CELF2: variants seen among roughly 807,000 people sequenced by gnomAD.
The protein encoded by CELF2 is CUGBP Elav-like family member 2.
A neutral mutation model predicts 62.6 loss-of-function variants in CELF2; 8 were observed. That is an observed-to-expected ratio of 0.13 (90% confidence interval 0.07 to 0.23). The LOEUF is 0.23. Among genes scored for constraint, CELF2 ranks in the 10% least tolerant of loss-of-function variants. The pLI, the probability that CELF2 is intolerant of heterozygous loss-of-function variation, is 1.00. For missense variants in CELF2, 333 were observed against 671.0 expected (o/e 0.50, Z 5.56); for synonymous variants, 258 against 250.0 (o/e 1.03, Z -0.30).
chr10:11,122,674 G>T (rs541898525), intron 1 of CELF2, among the ~76,000 whole-genome samples: 159 of 152,180 alleles, frequency 1.0e-3, no homozygotes, highest in Non-Finnish European at 1.9e-3. Context: ...ATGAGAAACA[G>T]GCCTCTTACA....
intron 1 of CELF2, among the ~76,000 whole-genome samples, chr10:11,141,992 T>G (rs553458497): frequency 6.6e-6 from 1 of 152,342 alleles, no homozygotes; most frequent in South Asian, 2.1e-4. Flanking sequence ...AGATAACGAC[T>G]GCAAACAAGG....
intron 1 of CELF2, among the ~76,000 whole-genome samples, chr10:11,057,396 G>C (rs1044581142): frequency 2.6e-5 from 4 of 152,112 alleles, no homozygotes; most frequent in African/African-American, 9.7e-5. Context: ...AATACAGCCA[G>C]GTAAACACCT....
chr10:10,659,016 A>C, the CELF2 span, among the ~76,000 whole-genome samples: 30 of 152,298 alleles, frequency 2.0e-4, no homozygotes, highest in African/African-American at 6.5e-4. Context: ...TAAAATAATA[A>C]ATGTTCACCA....
At position 11,165,001 on chromosome 10, in the gene CELF2, C is replaced by T. The variant is rs1435354555; in HGVS notation, c.75-485C>T. On this transcript the variant is annotated intron_variant, in intron 1 of 12. Transcript: ENST00000633077. The surrounding 1 kb of genome is among the most constrained non-coding windows in gnomAD (Gnocchi z 7.4). ...TTTCCATGTGACTTTATTATTACCA[C>T]CTCTCTCCTCTCTTCCAAAAACCTC... 1.1e-6 allele frequency: 1 copy of T among 918,862 alleles called. No homozygotes were observed. 56.9% of individuals were successfully genotyped at this position (918,862 alleles called of 1,614,324 possible).
intron 1 of CELF2, among the ~76,000 whole-genome samples, chr10:10,911,122 G>A (rs940945183): frequency 2.0e-5 from 3 of 152,152 alleles, no homozygotes; most frequent in South Asian, 2.1e-4. Flanking sequence ...GTCTGAAGAG[G>A]ACATTTCTGA....
At chr10:10,553,748 C>G in the CELF2 span, among the ~76,000 whole-genome samples, 1 of 152,148 alleles carries the variant, frequency 6.6e-6, no homozygotes, top group Admixed American at 6.5e-5. Context: ...GCAGAGAACA[C>G]TGCGAGCAGA....
intron 1 of CELF2, among the ~76,000 whole-genome samples, chr10:11,154,092 TA>T (rs1345283507): frequency 6.6e-6 from 1 of 152,162 alleles, no homozygotes; most frequent in African/African-American, 2.4e-5. Context: ...GAAATGGCTT[TA>T]AAAAAATCAA....
chr10:11,027,935 T>G (rs531658702), intron 1 of CELF2, among the ~76,000 whole-genome samples: 1 of 152,336 alleles, frequency 6.6e-6, no homozygotes, highest in African/African-American at 2.4e-5. Context: ...TTCCTGGCAC[T>G]TAAAACTGGC....
At chr10:10,729,861 C>T in the CELF2 span, among the ~76,000 whole-genome samples, 1 of 152,030 alleles carries the variant, frequency 6.6e-6, no homozygotes, top group Non-Finnish European at 1.5e-5. Flanking sequence ...CGATGATATG[C>T]TTATTACTCT....
chr10:10,918,940 G>A (rs1205792916), intron 1 of CELF2, among the ~76,000 whole-genome samples: 1 of 152,012 alleles, frequency 6.6e-6, no homozygotes, highest in Non-Finnish European at 1.5e-5. Flanking sequence ...TCTACTCATT[G>A]TTCCCTTCTC....
At chr10:10,979,997 G>A (rs902374656) in intron 2 of CELF2, among the ~76,000 whole-genome samples, 1 of 152,198 alleles carries the variant, frequency 6.6e-6, no homozygotes, top group East Asian at 1.9e-4. Context: ...GCTTGTAGAA[G>A]CAAAATGAAA....
chr10:11,025,207 A>ATGTGTGTGTG (rs372783836), intron 1 of CELF2, among the ~76,000 whole-genome samples: 39 of 141,250 alleles, frequency 2.8e-4, no homozygotes, highest in African/African-American at 8.6e-4. Flanking sequence ...ATATACATAT[A>ATGTGTGTGTG]TGTGTGTGTG....
chr10:10,784,608 A>T, the CELF2 span: 1 of 151,532 alleles, frequency 6.6e-6, no homozygotes, highest in African/African-American at 2.4e-5. Context: ...ATGTTCAGTC[A>T]CTCCTTCTCT....
the CELF2 span, among the ~76,000 whole-genome samples, chr10:10,746,963 A>G: frequency 1.3e-5 from 2 of 152,200 alleles, no homozygotes; most frequent in Admixed American, 1.3e-4. Flanking sequence ...TGTTATCTTA[A>G]TTTCTAACTG....
intron 1 of CELF2, among the ~76,000 whole-genome samples, chr10:11,066,576 G>C (rs1216067690): frequency 6.6e-6 from 1 of 152,056 alleles, no homozygotes; most frequent in East Asian, 1.9e-4. Context: ...GATTTCCCCA[G>C]ACCCCCATGA....
At chr10:10,719,785 C>A in the CELF2 span, among the ~76,000 whole-genome samples, 2 of 152,238 alleles carry the variant, frequency 1.3e-5, no homozygotes, top group Admixed American at 1.3e-4. Context: ...TATTATAAGG[C>A]TCAATAGAGG....
chr10:10,483,214 C>CAAAAAAAAA, the CELF2 span, among the ~76,000 whole-genome samples: 2 of 93,430 alleles, frequency 2.1e-5, no homozygotes, highest in African/African-American at 4.1e-5. Context: ...GGCAGAATAC[C>CAAAAAAAAA]AAAAAAAAAA....
intron 4 of CELF2, among the ~76,000 whole-genome samples, chr10:11,254,866 C>T (rs1450437394): frequency 3.3e-5 from 5 of 152,038 alleles, no homozygotes; most frequent in Non-Finnish European, 1.5e-5. Context: ...TGATTTTTCT[C>T]CCTTTTCTAC....
the CELF2 span, among the ~76,000 whole-genome samples, chr10:10,616,719 T>A: frequency 0.19 from 10,348 of 54,792 alleles, 551 homozygotes; most frequent in African/African-American, 0.24. Flanking sequence ...TGTGTGTGTG[T>A]GAGAGAGAGA....
Sources: allele counts gnomAD v4.1 joint callset (sites outside exome capture counted in the v4.1 genomes callset), GRCh38; gene constraint gnomAD v4.1.1; non-coding constraint Gnocchi (gnomAD v3.1); transcripts MANE v1.5; gene names NCBI Gene and HGNC (gene_info 2026-07-23, HGNC 2026-07-21).